The following NCAM1 variants were observed in gnomAD, a reference collection of about 807,000 sequenced individuals.
The protein encoded by NCAM1 is antigen recognized by monoclonal antibody 5.1H11.
In NCAM1, 14 loss-of-function variants were observed where a neutral mutation model predicts 109.8. That is an observed-to-expected ratio of 0.13 (90% CI 0.08 to 0.20). NCAM1 has a LOEUF of 0.20. Among genes scored for constraint, NCAM1 ranks in the 10% least tolerant of loss-of-function variants. The pLI, the probability that NCAM1 is intolerant of heterozygous loss-of-function variation, is 1.00. For missense variants in NCAM1, 774 were observed against 1,109.9 expected (o/e 0.70, Z 4.30); for synonymous variants, 418 against 442.9 (o/e 0.94, Z 0.70).
intron 1 of NCAM1, among the ~76,000 whole-genome samples, chr11:113,013,811 T>C (rs1952137194): frequency 6.6e-6 from 1 of 152,242 alleles, no homozygotes; most frequent in African/African-American, 2.4e-5. Context: ...TCCACTTTGA[T>C]ACTTTCATGC....
intron 7 of NCAM1, among the ~76,000 whole-genome samples, chr11:113,211,801 G>C (rs1944397955): frequency 6.6e-6 from 1 of 152,202 alleles, no homozygotes; most frequent in Admixed American, 6.5e-5. Context: ...TCTTTGGCTA[G>C]GGTTGTAGGA....
intron 1 of NCAM1, among the ~76,000 whole-genome samples, chr11:112,995,062 T>G (rs2134883473): frequency 6.6e-6 from 1 of 152,270 alleles, no homozygotes; most frequent in African/African-American, 2.4e-5. Flanking sequence ...CTTACTTATC[T>G]TTTTATATAT....
chr11:113,073,074 C>G (rs1938360707), intron 1 of NCAM1, among the ~76,000 whole-genome samples: 1 of 152,122 alleles, frequency 6.6e-6, no homozygotes, highest in African/African-American at 2.4e-5. Context: ...CTCAATTACT[C>G]TAAATATCTC....
intron 6 of NCAM1, 78 bp downstream of exon 6, chr11:113,207,456 T>A: frequency 8.7e-7 from 1 of 1,150,762 alleles, no homozygotes; most frequent in South Asian, 1.3e-5. Context: ...TGTTAGTGTC[T>A]GCGTGGAATG....
At chr11:112,985,015 T>G (rs114600188) in intron 1 of NCAM1, among the ~76,000 whole-genome samples, 2,028 of 151,868 alleles carry the variant, frequency 0.013, 40 homozygotes, top group African/African-American at 0.046. Context: ...CTTCTAAGAG[T>G]TTTATAGCTC....
intron 1 of NCAM1, among the ~76,000 whole-genome samples, chr11:113,011,964 T>TTTCCTTCCTTCCTTCC (rs200929273): frequency 0.015 from 1,759 of 114,010 alleles, 41 homozygotes; most frequent in East Asian, 0.034. Context: ...CCTTCTCTCC[T>TTTCCTTCCTTCCTTCC]TTCCTTCCTT....
intron 1 of NCAM1, among the ~76,000 whole-genome samples, chr11:113,163,421 GT>G (rs1374665904): frequency 1.3e-5 from 2 of 152,200 alleles, no homozygotes; most frequent in Non-Finnish European, 2.9e-5. Flanking sequence ...GGATGTCACA[GT>G]TTTGACCTCT....
chr11:113,100,209 CAG>C (rs1203773685), intron 1 of NCAM1, among the ~76,000 whole-genome samples: 2 of 152,148 alleles, frequency 1.3e-5, no homozygotes, highest in Non-Finnish European at 2.9e-5. Context: ...GAACTTAGGA[CAG>C]GGGTGTGGCT....
chr11:113,240,699 C>T, intron 14 of NCAM1: 2 of 1,261,614 alleles, frequency 1.6e-6, no homozygotes, highest in Non-Finnish European at 2.3e-6. Context: ...TACTGATGCC[C>T]CAGGGTTGTT....
chr11:113,148,815 C>CTAAGG (rs1555101870), intron 1 of NCAM1, among the ~76,000 whole-genome samples: 6 of 152,258 alleles, frequency 3.9e-5, no homozygotes, highest in African/African-American at 1.2e-4. Context: ...CTGCTTGGCT[C>CTAAGG]CAAGGCAAGG....
rs1325118485 is a variant in NCAM1, at chr11:113,275,262, T to C, written c.2457-5T>C. On this transcript the variant is annotated splice_region_variant and splice_polypyrimidine_tract_variant and intron_variant, in intron 19 of 19. Transcript: ENST00000316851. ...CAGTGGTTCTGTTTTCCTGATTCTC[T>C]GCAGGAAGGGCCCCGTAGAAGCAAA... 1.9e-6 allele frequency: 3 copies of C among 1,613,444 alleles called. No homozygotes were observed. Among genetic ancestry groups the C allele is most frequent in the Non-Finnish European group, 2.5e-6 (3 of 1,179,790 alleles).
intron 1 of NCAM1, among the ~76,000 whole-genome samples, chr11:113,132,364 A>G (rs1301392142): frequency 6.6e-6 from 1 of 152,188 alleles, no homozygotes; most frequent in Non-Finnish European, 1.5e-5. Flanking sequence ...TAACTAGGAA[A>G]AGATGAAACA....
chr11:113,063,929 A>G (rs1555083821), intron 1 of NCAM1, among the ~76,000 whole-genome samples: 1 of 152,244 alleles, frequency 6.6e-6, no homozygotes. Context: ...CTGTGTGACT[A>G]GTATCTCATT....
intron 1 of NCAM1, among the ~76,000 whole-genome samples, chr11:113,001,848 G>A (rs1245717870): frequency 3.9e-5 from 6 of 152,012 alleles, no homozygotes; most frequent in Non-Finnish European, 7.4e-5. Context: ...TAGACATGGC[G>A]GGATACAGGT....
intron 1 of NCAM1, among the ~76,000 whole-genome samples, chr11:113,107,954 C>T (rs1940249074): frequency 1.3e-5 from 2 of 152,112 alleles, no homozygotes; most frequent in Non-Finnish European, 2.9e-5. Context: ...TTGTTAACTC[C>T]TAGGTCAAGT....
At chr11:113,240,676 C>G (rs1945294042) in intron 14 of NCAM1, 6 of 1,007,306 alleles carry the variant, frequency 6.0e-6, no homozygotes, top group Non-Finnish European at 9.5e-6. Flanking sequence ...CTTTAACTCA[C>G]TTCAGCTCCT....
intron 1 of NCAM1, among the ~76,000 whole-genome samples, chr11:113,128,453 G>A (rs1252474066): frequency 6.6e-6 from 1 of 152,168 alleles, no homozygotes; most frequent in Non-Finnish European, 1.5e-5. Context: ...TGTGGTAAAT[G>A]GTTCCTCCCC....
chr11:113,048,555 T>G (rs564040251), intron 1 of NCAM1, among the ~76,000 whole-genome samples: 1 of 152,360 alleles, frequency 6.6e-6, no homozygotes, highest in East Asian at 1.9e-4. Flanking sequence ...GATCCATCCA[T>G]CTTGCGAGGC....
intron 1 of NCAM1, among the ~76,000 whole-genome samples, chr11:113,147,259 A>G (rs148145088): frequency 1.2e-3 from 183 of 152,360 alleles, no homozygotes; most frequent in Non-Finnish European, 2.3e-3. Flanking sequence ...CAGTGTTCTT[A>G]ATGTAGATGT....
Sources: gnomAD v4.1 joint callset for allele counts (sites outside exome capture counted in the v4.1 genomes callset) on GRCh38, gnomAD v4.1.1 for gene constraint, MANE v1.5 for transcripts, NCBI Gene and HGNC (gene_info 2026-07-23, HGNC 2026-07-21) for gene names.